USP37: variants seen among roughly 807,000 people sequenced by gnomAD.
USP37 encodes the protein ubiquitin carboxyl-terminal hydrolase 37.
Under a neutral mutation model 124.0 loss-of-function variants are expected in USP37, and 27 were observed. The observed-to-expected ratio is 0.22, with a 90% CI of 0.16 to 0.30. The LOEUF (loss-of-function observed/expected upper bound fraction) is 0.30, where lower values mean the gene tolerates loss of function less well. USP37 is among the 10% of genes least tolerant of loss of function. The probability of loss-of-function intolerance (pLI) is 1.00; values close to 1 mark genes in which losing one functional copy is unlikely to be tolerated. For missense variants in USP37, 889 were observed against 1,140.4 expected, an observed-to-expected ratio of 0.78 and a Z score of 3.17; for synonymous variants, 365 against 388.0, an observed-to-expected ratio of 0.94 and a Z score of 0.70.
chr2:218,459,594 G>T (rs11890042), intron 23 of USP37, among the ~76,000 whole-genome samples, 196 bp downstream of exon 23: 5,289 of 138,800 alleles, frequency 0.038, 110 homozygotes, highest in African/African-American at 0.081. Flanking sequence ...TGTTTTTTTT[G>T]TTTGTTTGTT....
intron 20 of USP37, among the ~76,000 whole-genome samples, chr2:218,468,366 A>G (rs1690486105): frequency 6.6e-6 from 1 of 150,470 alleles, no homozygotes; most frequent in South Asian, 2.1e-4. Flanking sequence ...CCTCCCAAGT[A>G]GCATGCACCA....
chr2:218,511,136 T>C (rs1439060710), intron 10 of USP37, among the ~76,000 whole-genome samples: 5 of 152,142 alleles, frequency 3.3e-5, no homozygotes, highest in African/African-American at 1.2e-4. Flanking sequence ...TGCTTTCCTA[T>C]AGAGTAGGTC....
At chr2:218,544,036 T>C (rs1692156182) in intron 8 of USP37, among the ~76,000 whole-genome samples, 1 of 151,996 alleles carries the variant, frequency 6.6e-6, no homozygotes, top group African/African-American at 2.4e-5. Context: ...GAACATTCTA[T>C]GTTATCTTTG....
intron 1 of USP37, among the ~76,000 whole-genome samples, chr2:218,565,700 A>G (rs1182638956): frequency 6.6e-6 from 1 of 152,242 alleles, no homozygotes; most frequent in East Asian, 1.9e-4. Context: ...AGTGGTCACT[A>G]GCCTATATTC....
chr2:218,528,915 C>T, intron 10 of USP37: 2 of 393,676 alleles, frequency 5.1e-6, no homozygotes, highest in Non-Finnish European at 8.8e-6. Context: ...ACATTCACTG[C>T]TGTAATACAG....
At chr2:218,564,408 A>C (rs1693474496) in intron 1 of USP37, among the ~76,000 whole-genome samples, 1 of 152,216 alleles carries the variant, frequency 6.6e-6, no homozygotes, top group African/African-American at 2.4e-5. Flanking sequence ...CATAATTTAT[A>C]AATACAGTCA....
At chr2:218,465,866 C>CT (rs564099929) in intron 21 of USP37, 144 bp downstream of exon 21, 60 of 1,106,776 alleles carry the variant, frequency 5.4e-5, no homozygotes, top group South Asian at 8.7e-5. Context: ...TCAAACAAGT[C>CT]TTTTTTTTCC....
intron 20 of USP37, among the ~76,000 whole-genome samples, chr2:218,466,475 C>T (rs552622217): frequency 1.3e-5 from 2 of 152,160 alleles, no homozygotes; most frequent in East Asian, 3.9e-4. Flanking sequence ...CCACCCTCTA[C>T]AGTTGTGATA....
At position 218,488,351 on chromosome 2, in the gene USP37, GT is replaced by G; in HGVS notation, c.1542del (p.Lys514AsnfsTer50). 1 of 1,613,034 alleles carries G rather than the reference GT, an allele frequency of 6.2e-7. No individual in the cohort carries two copies. Among genetic ancestry groups the G allele is most frequent in the Non-Finnish European group, 8.5e-7 (1 of 1,179,510 alleles). On this transcript the variant is annotated frameshift_variant, in exon 15 of 26. Coordinates refer to ENST00000258399, the MANE Select transcript of USP37 (RefSeq NM_020935.3). LOFTEE classifies it high-confidence loss of function. ...TCTTGAATTGAACGAGGAGGGAGTG[GT>G]TTTTTCCTACGAGGAAGGTCAATAG... ...DLSIDLPRRKKPLPPRSIQDS... is the reference protein window; with the variant it reads ...DLSIDLPRRKXPLPPRSIQDS...
At chr2:218,489,300 G>A (rs1691774082) in intron 14 of USP37, among the ~76,000 whole-genome samples, 1 of 149,344 alleles carries the variant, frequency 6.7e-6, no homozygotes, top group East Asian at 2.1e-4. Context: ...GGAGGTTGCA[G>A]TGAGCTGAGA....
intron 20 of USP37, among the ~76,000 whole-genome samples, chr2:218,472,036 G>GAA (rs59108521): frequency 2.2e-5 from 3 of 138,284 alleles, no homozygotes; most frequent in Non-Finnish European, 3.1e-5. Context: ...TCCGCCCCAG[G>GAA]AAAAAAAAAA....
At chr2:218,545,271 G>A (rs1360535236) in intron 8 of USP37, among the ~76,000 whole-genome samples, 1 of 152,200 alleles carries the variant, frequency 6.6e-6, no homozygotes, top group Non-Finnish European at 1.5e-5. Flanking sequence ...TGGCCAATGT[G>A]ATATGCACAA....
intron 8 of USP37, among the ~76,000 whole-genome samples, chr2:218,542,418 G>A (rs1692034505): frequency 6.6e-6 from 1 of 152,200 alleles, no homozygotes; most frequent in Non-Finnish European, 1.5e-5. Flanking sequence ...ACATTCTGGT[G>A]TACCTCCCTG....
intron 20 of USP37, among the ~76,000 whole-genome samples, chr2:218,473,974 C>T (rs1690829927): frequency 6.6e-6 from 1 of 152,128 alleles, no homozygotes; most frequent in South Asian, 2.1e-4. Flanking sequence ...GTACTGAGTA[C>T]TGTAGGCAAC....
intron 11 of USP37, among the ~76,000 whole-genome samples, chr2:218,499,411 C>T (rs1006388850): frequency 6.6e-6 from 1 of 152,024 alleles, no homozygotes; most frequent in Non-Finnish European, 1.5e-5. Context: ...CTTAATATCC[C>T]TCTCTCTATA....
At chr2:218,507,154 T>A (rs575307484) in intron 11 of USP37, among the ~76,000 whole-genome samples, 1 of 151,834 alleles carries the variant, frequency 6.6e-6, no homozygotes, top group East Asian at 1.9e-4. Context: ...TTAATTATAT[T>A]TATTTATTTA....
At chr2:218,463,622 G>A (rs1399234237) in intron 21 of USP37, among the ~76,000 whole-genome samples, 1 of 133,324 alleles carries the variant, frequency 7.5e-6, no homozygotes. Context: ...TGCAAGCTCC[G>A]CCTCCTGGGT....
chr2:218,456,969 CAA>C (rs5838699), intron 24 of USP37, 121 bp downstream of exon 24: 5,148 of 814,420 alleles, frequency 6.3e-3, no homozygotes, highest in East Asian at 0.013. Context: ...GACTGGATCT[CAA>C]AAAAAAAAAG....
In USP37 at chr2:218,523,571, G is replaced by A. The variant is rs502196; in HGVS notation, c.863+6385C>T. On this transcript the variant is annotated intron_variant, in intron 10 of 25. Transcript: ENST00000258399. ...AAACCTTATAAAGCTGTTTTTTGGC[G>A]GGGGGGTCTTTTTTCATCCTTTTTC... Among the ~76,000 whole-genome samples the A allele has an allele frequency of 6.4e-3, 898 of 141,318 alleles. 3 individuals carry two copies. Among genetic ancestry groups the A allele is most frequent in the Non-Finnish European group, 0.011 (676 of 62,018 alleles). The allele number at this position is 141,318 out of a possible 152,430, so 92.7% of individuals were successfully genotyped here.
Sources: gnomAD v4.1 joint callset for allele counts (sites outside exome capture counted in the v4.1 genomes callset) on GRCh38, gnomAD v4.1.1 for gene constraint, MANE v1.5 for transcripts, NCBI Gene and HGNC (gene_info 2026-07-23, HGNC 2026-07-21) for gene names.